The following ARHGAP44 variants were observed in gnomAD, a reference collection of about 807,000 sequenced individuals.
The protein encoded by ARHGAP44 is Rho GTPase activating protein 44, also known as rho GTPase-activating protein 44.
In ARHGAP44, 43 loss-of-function variants were observed where a neutral mutation model predicts 106.8. The ratio of observed to expected loss-of-function variants is 0.40; its 90% confidence interval spans 0.32 to 0.52. The LOEUF (loss-of-function observed/expected upper bound fraction) is 0.52. Among genes scored for constraint, ARHGAP44 ranks in the 20% least tolerant of loss-of-function variants. The pLI is 0.48. For missense variants in ARHGAP44, 866 were observed against 1,050.5 expected (o/e 0.82, Z 2.43); for synonymous variants, 439 against 410.3 (o/e 1.07, Z -0.85).
chr17:12,923,190 G>A (rs1412167947), intron 6 of ARHGAP44, among the ~76,000 whole-genome samples: 2 of 152,074 alleles, frequency 1.3e-5, no homozygotes, highest in Non-Finnish European at 1.5e-5. Flanking sequence ...TAGGGATAGG[G>A]AATTGCTTTG....
chr17:12,989,888 A>G, intron 20 of ARHGAP44, 144 bp from the exon 21 acceptor site: 2 of 1,236,546 alleles, frequency 1.6e-6, no homozygotes, highest in African/African-American at 1.5e-5. Context: ...ACTGTGCAAC[A>G]CAATGCTTAA....
chr17:12,812,351 A>G (rs1454641695), intron 1 of ARHGAP44, among the ~76,000 whole-genome samples: 1 of 152,214 alleles, frequency 6.6e-6, no homozygotes, highest in Non-Finnish European at 1.5e-5. Context: ...GGAAGGACGC[A>G]TGGGATTTCG....
At chr17:12,985,106 CAG>C in intron 20 of ARHGAP44, 198 bp downstream of exon 20, 1 of 642,058 alleles carries the variant, frequency 1.6e-6, no homozygotes, top group Non-Finnish European at 2.6e-6. Context: ...GTGTCCCACA[CAG>C]GGGCTTCTTA....
chr17:12,812,544 C>CA (rs1254615165), intron 1 of ARHGAP44, among the ~76,000 whole-genome samples: 1 of 152,106 alleles, frequency 6.6e-6, no homozygotes, highest in Non-Finnish European at 1.5e-5. Flanking sequence ...GAATCAGATC[C>CA]AAATGCAGCA....
chr17:12,874,784 T>G (rs1597979985), intron 1 of ARHGAP44, among the ~76,000 whole-genome samples: 1 of 149,588 alleles, frequency 6.7e-6, no homozygotes, highest in Admixed American at 6.7e-5. Flanking sequence ...CTACTCCATT[T>G]TAATAAGCAA....
At chr17:12,914,416 C>G (rs951580681) in intron 4 of ARHGAP44, among the ~76,000 whole-genome samples, 2 of 152,172 alleles carry the variant, frequency 1.3e-5, no homozygotes. Flanking sequence ...TGTGGGACAG[C>G]TTAACATAAT....
chr17:12,991,328 T>C lies in ARHGAP44; in HGVS notation c.*1157T>C, dbSNP rs903103828. On this transcript the variant is annotated 3_prime_UTR_variant, in exon 21 of 21. Coordinates refer to ENST00000379672, the MANE Select transcript of ARHGAP44 (RefSeq NM_014859.6). ...TGATATAATATACCTATACATGATA[T>C]AATATTTGTATATATGAAATCTCTC... 1 of 152,974 alleles carries C rather than the reference T, an allele frequency of 6.5e-6. No homozygotes were observed. The highest frequency in any genetic ancestry group is 2.4e-5 in the African/African-American group (1 of 41,466). The allele number at this position is 152,974 out of a possible 1,614,324, so 9.5% of individuals were successfully genotyped here.
intron 7 of ARHGAP44, among the ~76,000 whole-genome samples, chr17:12,939,432 A>G (rs2038643280): frequency 6.6e-6 from 1 of 152,076 alleles, no homozygotes. Context: ...TGTGCCTGGC[A>G]TCTAGACCCA....
At chr17:12,869,409 A>G (rs1401620698) in intron 1 of ARHGAP44, among the ~76,000 whole-genome samples, 2 of 146,966 alleles carry the variant, frequency 1.4e-5, no homozygotes, top group Non-Finnish European at 3.0e-5. Context: ...AAAATATTCC[A>G]ATCTTCACTA....
intron 10 of ARHGAP44, among the ~76,000 whole-genome samples, chr17:12,948,753 C>CCTGTAGA (rs2038922978): frequency 6.7e-6 from 1 of 150,214 alleles, no homozygotes; most frequent in Non-Finnish European, 1.5e-5. Flanking sequence ...CACACACACC[C>CCTGTAGA]CCTGTAGACC....
At chr17:12,923,833 A>G (rs891144154) in intron 6 of ARHGAP44, among the ~76,000 whole-genome samples, 1 of 152,176 alleles carries the variant, frequency 6.6e-6, no homozygotes, top group Non-Finnish European at 1.5e-5. Context: ...AGCCCGTATG[A>G]GGTCTGCATC....
chr17:12,949,573 A>G lies in ARHGAP44; in HGVS notation c.974-76A>G, dbSNP rs1347160262. The G allele has an allele frequency of 8.6e-6, 12 of 1,391,028 alleles. No individual in the cohort carries two copies. The Admixed American group carries it at 1.3e-4, about 15-fold the overall frequency. 86.2% of individuals were successfully genotyped at this position (1,391,028 alleles called of 1,614,324 possible). On this transcript the variant is annotated intron_variant, in intron 11 of 20. Transcript: ENST00000379672. The surrounding 1 kb of genome is among the most constrained non-coding windows in gnomAD (Gnocchi z 4.1). Reference sequence around the variant, plus strand: ...AGGCCCATCCCCAGATGGAACCCACATAGGCAGTGCTGGCTGGTGGGTCTT... The same window carrying G: ...AGGCCCATCCCCAGATGGAACCCACGTAGGCAGTGCTGGCTGGTGGGTCTT...
chr17:12,803,087 C>T (rs1010725173), intron 1 of ARHGAP44, among the ~76,000 whole-genome samples: 6 of 149,224 alleles, frequency 4.0e-5, no homozygotes, highest in African/African-American at 1.5e-4. Context: ...ATTCTCCTGC[C>T]TCAGCCTCCC....
At chr17:12,864,797 C>T (rs1485825316) in intron 1 of ARHGAP44, among the ~76,000 whole-genome samples, 1 of 152,138 alleles carries the variant, frequency 6.6e-6, no homozygotes, top group African/African-American at 2.4e-5. Flanking sequence ...CTGTATGGAA[C>T]TAAAAGCATT....
intron 1 of ARHGAP44, among the ~76,000 whole-genome samples, chr17:12,847,583 G>C (rs1044327218): frequency 7.0e-6 from 1 of 142,806 alleles, no homozygotes; most frequent in African/African-American, 2.7e-5. Flanking sequence ...GTGCGATCTC[G>C]GCTCACTGCA....
At chr17:12,813,082 C>T (rs930957973) in intron 1 of ARHGAP44, among the ~76,000 whole-genome samples, 1 of 152,182 alleles carries the variant, frequency 6.6e-6, no homozygotes, top group Non-Finnish European at 1.5e-5. Flanking sequence ...GGCCAGTCTC[C>T]TTAGAGCTGC....
At chr17:12,861,915 G>A (rs535496977) in intron 1 of ARHGAP44, among the ~76,000 whole-genome samples, 14 of 152,132 alleles carry the variant, frequency 9.2e-5, no homozygotes, top group Middle Eastern at 3.4e-3. Flanking sequence ...GATTACAGTA[G>A]TAAGCCACTG....
chr17:12,967,198 G>T (rs1213542522), intron 16 of ARHGAP44, among the ~76,000 whole-genome samples: 4 of 148,934 alleles, frequency 2.7e-5, no homozygotes, highest in Admixed American at 6.7e-5. Context: ...CACTGGCCAG[G>T]GTTAAACTTC....
intron 1 of ARHGAP44, among the ~76,000 whole-genome samples, chr17:12,791,159 C>T (rs895737651): frequency 1.3e-5 from 2 of 152,098 alleles, no homozygotes; most frequent in Non-Finnish European, 2.9e-5. Flanking sequence ...TCCAGGGACT[C>T]CAGATGGTTT....
Sources: gnomAD v4.1 joint callset for allele counts (sites outside exome capture counted in the v4.1 genomes callset) on GRCh38, gnomAD v4.1.1 for gene constraint, Gnocchi (gnomAD v3.1) non-coding constraint, MANE v1.5 for transcripts, NCBI Gene and HGNC (gene_info 2026-07-23, HGNC 2026-07-21) for gene names.